BTBD8: variants seen among roughly 807,000 people sequenced by gnomAD.
BTBD8 encodes BTB domain containing 8.
BTBD8 carries 110 observed loss-of-function variants against 162.9 expected under a neutral mutation model. That is an observed-to-expected ratio of 0.68 (90% CI 0.58 to 0.79). BTBD8 has a LOEUF of 0.79. Among genes scored for constraint, BTBD8 ranks in the 30% least tolerant of loss-of-function variants. The probability of loss-of-function intolerance (pLI) is 0.00; values close to 1 mark genes in which losing one functional copy is unlikely to be tolerated. For missense variants in BTBD8, 1,905 were observed against 2,085.4 expected (o/e 0.91, Z 1.68); for synonymous variants, 667 against 716.1 (o/e 0.93, Z 1.10).
intron 13 of BTBD8, among the ~76,000 whole-genome samples, chr1:92,172,585 C>T (rs769860790): frequency 2.8e-4 from 43 of 152,300 alleles, no homozygotes; most frequent in Non-Finnish European, 4.7e-4. Flanking sequence ...ATAATATATT[C>T]AAAGTACAAA....
chr1:92,136,169 A>T (rs1649626992), intron 5 of BTBD8, among the ~76,000 whole-genome samples: 2 of 152,270 alleles, frequency 1.3e-5, no homozygotes, highest in African/African-American at 2.4e-5. Context: ...CTGTATTTTC[A>T]ATTTAGTCTC....
Position 92,080,543 on chromosome 1 carries a change from G to A in BTBD8, c.-29G>A, listed in dbSNP as rs1203512063. Reference sequence around the variant, plus strand: ...CGGGGCAAGTGAGGCCAAGTACTGGGCCTCCAGGGCGTCGTACCTCTGTGA... The same window carrying A: ...CGGGGCAAGTGAGGCCAAGTACTGGACCTCCAGGGCGTCGTACCTCTGTGA... On this transcript the variant is annotated 5_prime_UTR_variant, in exon 1 of 18. Transcript: ENST00000636805. 2 of 1,611,302 alleles carry A rather than the reference G, an allele frequency of 1.2e-6. No individual in the cohort carries two copies. Among genetic ancestry groups the A allele is most frequent in the Admixed American group, 1.7e-5 (1 of 59,388 alleles).
chr1:92,161,363 T>C lies in BTBD8; in HGVS notation c.1123-5595T>C, dbSNP rs140819510. The stretch of plus-strand genomic sequence containing the variant: ...AATATTTCTTTGTCATCAAGGGAGA[T>C]ATGAAAGTGCTGCTACATTAGAGTA... On this transcript the variant is annotated intron_variant, in intron 9 of 17. Transcript: ENST00000636805. Among the ~76,000 whole-genome samples the C allele has an allele frequency of 2.0e-5, 3 of 152,358 alleles. No individual in the cohort carries two copies. The East Asian group carries it at 5.8e-4, about 29-fold the overall frequency.
rs563648099 is a variant in BTBD8 at position 92,183,104 on chromosome 1, A to G, written c.4912+509A>G. ...AAAATTTTCAGGATCTGTCTATTCT[A>G]AAGTTTTCAAATAAAAAGATAAATT... On this transcript the variant is annotated intron_variant, in intron 17 of 17. Coordinates refer to ENST00000636805, the MANE Select transcript of BTBD8 (RefSeq NM_001376131.1). Among the ~76,000 whole-genome samples, 207 of 152,276 alleles carry G rather than the reference A, an allele frequency of 1.4e-3. 1 individual carries two copies. Among genetic ancestry groups the G allele is most frequent in the Non-Finnish European group, 2.3e-3 (156 of 67,994 alleles).
chr1:92,143,306 C>G (rs575158289), intron 7 of BTBD8, among the ~76,000 whole-genome samples: 1 of 151,784 alleles, frequency 6.6e-6, no homozygotes, highest in South Asian at 2.1e-4. Flanking sequence ...GGACCATTGC[C>G]TCTATTTTTT....
rs79429601 is a variant in BTBD8, at chr1:92,092,678, C to A, written c.347+3783C>A. ...TTCTGGTTTCTCAGTTCTATACCACCGGTTTGTATGTCTGACCTTAATGCC... is the reference window on the plus strand; with the variant it reads ...TTCTGGTTTCTCAGTTCTATACCACAGGTTTGTATGTCTGACCTTAATGCC... On this transcript the variant is annotated intron_variant, in intron 2 of 17. Coordinates refer to ENST00000636805, the MANE Select transcript of BTBD8 (RefSeq NM_001376131.1). Among the ~76,000 whole-genome samples, 102 of 152,258 alleles carry A rather than the reference C, an allele frequency of 6.7e-4. 1 individual carries two copies. In the East Asian group the frequency reaches 0.017, roughly 25 times the overall value.
intron 15 of BTBD8, 36 bp from the exon 16 acceptor site, chr1:92,178,276 C>CT (rs1413020825): frequency 6.8e-7 from 1 of 1,476,478 alleles, no homozygotes; most frequent in African/African-American, 1.4e-5. Flanking sequence ...GTTTTGGAAT[C>CT]TAAGTGTAAT....
chr1:92,175,761 C>T (rs944059610), intron 13 of BTBD8, among the ~76,000 whole-genome samples: 1 of 151,712 alleles, frequency 6.6e-6, no homozygotes, highest in Non-Finnish European at 1.5e-5. Context: ...GGCCACTGCA[C>T]TCCAGCCTGG....
chr1:92,093,576 G>C (rs550802868), intron 2 of BTBD8, among the ~76,000 whole-genome samples: 1 of 152,274 alleles, frequency 6.6e-6, no homozygotes, highest in Non-Finnish European at 1.5e-5. Context: ...GATGAAGCCA[G>C]TTCTACCACT....
In BTBD8 at chr1:92,182,256, A is replaced by C; in HGVS notation, c.4573A>C (p.Lys1525Gln). ...TCTTAGTAGCATTGACTCTTCAAGA[A>C]AAAATAAACAGAGTGTTTCAGCCAC... is the stretch of plus-strand genomic sequence containing the variant. ...LDLSSIDSSR[K>Q]NKQSVSATEK... The change falls in exon 17 of 18, where the codon AAA becomes CAA. Residue 1525 changes from lysine (K) to glutamine (Q), a missense_variant. Coordinates refer to ENST00000636805, the MANE Select transcript of BTBD8 (RefSeq NM_001376131.1). 7 of 1,551,262 alleles carry C rather than the reference A, an allele frequency of 4.5e-6. No homozygotes were observed. The highest frequency in any genetic ancestry group is 6.1e-6 in the Non-Finnish European group (7 of 1,146,852).
At chr1:92,171,484 T>A in intron 13 of BTBD8, 24 bp downstream of exon 13, 1 of 1,375,000 alleles carries the variant, frequency 7.3e-7, no homozygotes, top group Non-Finnish European at 9.8e-7. Context: ...ATTTTATAGG[T>A]ACAAATGAAA....
At chr1:92,085,328 A>C (rs1185138610) in intron 1 of BTBD8, among the ~76,000 whole-genome samples, 1 of 152,262 alleles carries the variant, frequency 6.6e-6, no homozygotes, top group Non-Finnish European at 1.5e-5. Context: ...ACGGTGGCTT[A>C]TGCCTGTAAT....
intron 13 of BTBD8, among the ~76,000 whole-genome samples, chr1:92,171,856 C>T (rs755668526): frequency 9.9e-5 from 15 of 152,166 alleles, no homozygotes; most frequent in Non-Finnish European, 1.6e-4. Context: ...TTTGGGAGGC[C>T]GAGGCGGATG....
Position 92,143,864 on chromosome 1 carries a change from A to G in BTBD8, c.930+2653A>G, listed in dbSNP as rs114278812. Among the ~76,000 whole-genome samples the G allele has an allele frequency of 1.8e-3, 267 of 150,632 alleles. 3 individuals carry two copies. Among genetic ancestry groups the G allele is most frequent in the African/African-American group, 6.0e-3 (244 of 40,950 alleles). On this transcript the variant is annotated intron_variant, in intron 7 of 17. Coordinates refer to ENST00000636805, the MANE Select transcript of BTBD8 (RefSeq NM_001376131.1). The stretch of plus-strand genomic sequence containing the variant: ...GTGGTAACAGATATTTGAGAGAACA[A>G]TTTCTGGTTTTGTTGACCTAATCCT...
intron 4 of BTBD8, among the ~76,000 whole-genome samples, chr1:92,116,884 CTG>C (rs1220387283): frequency 6.8e-6 from 1 of 147,080 alleles, no homozygotes; most frequent in Non-Finnish European, 1.5e-5. Flanking sequence ...GGATCACTCT[CTG>C]TTGCCCAGGC....
At chr1:92,172,723 T>C (rs1474123947) in intron 13 of BTBD8, among the ~76,000 whole-genome samples, 1 of 152,198 alleles carries the variant, frequency 6.6e-6, no homozygotes, top group Admixed American at 6.5e-5. Context: ...AGCCAGTTGA[T>C]AGGAACTAAT....
rs1476273563 is a variant in BTBD8 at position 92,180,573 on chromosome 1, A to G, written c.2890A>G (p.Thr964Ala). ...AAGACCTTTAAAACATGAAACATCT[A>G]CTGTCCAAAAAAGTATGTTTCATGA... ...SQRPLKHETSTVQKSMFHDVR... is the reference protein window; with the variant it reads ...SQRPLKHETSAVQKSMFHDVR... Residue 964 changes from threonine to alanine, a missense_variant, in exon 17 of 18, where the codon ACT (threonine) becomes GCT (alanine). Thr to Ala is a moderately conservative substitution (Grantham distance 58). Coordinates refer to ENST00000636805, the MANE Select transcript of BTBD8 (RefSeq NM_001376131.1). 6.4e-7 allele frequency: 1 copy of G among 1,551,466 alleles called. No individual in the cohort carries two copies. The highest frequency in any genetic ancestry group is 8.7e-7 in the Non-Finnish European group (1 of 1,146,896).
rs1390696858 is a variant in BTBD8 at position 92,184,338 on chromosome 1, CATTTTGGAAAA to C, written c.*13_*23del. The C allele has an allele frequency of 4.0e-6, 6 of 1,511,648 alleles. No individual in the cohort carries two copies. Among genetic ancestry groups the C allele is most frequent in the Non-Finnish European group, 5.3e-6 (6 of 1,126,198 alleles). 93.6% of individuals were successfully genotyped at this position (1,511,648 alleles called of 1,614,324 possible). Reference sequence around the variant, plus strand: ...CTGGAAACTCAGCATTAAGTGTTAACATTTTGGAAAAATTTATGCCACTCCTTTATTTTTTG... The same window carrying C: ...CTGGAAACTCAGCATTAAGTGTTAACATTTATGCCACTCCTTTATTTTTTG... On this transcript the variant is annotated 3_prime_UTR_variant, in exon 18 of 18. Coordinates refer to ENST00000636805, the MANE Select transcript of BTBD8 (RefSeq NM_001376131.1).
At chr1:92,111,660 G>A (rs190962855) in intron 4 of BTBD8, among the ~76,000 whole-genome samples, 62 of 152,286 alleles carry the variant, frequency 4.1e-4, no homozygotes, top group Admixed American at 9.2e-4. Context: ...AGGAATAGTA[G>A]TAGAAATTAT....
Sources: allele counts gnomAD v4.1 joint callset (sites outside exome capture counted in the v4.1 genomes callset), GRCh38; gene constraint gnomAD v4.1.1; transcripts MANE v1.5; gene names NCBI Gene and HGNC (gene_info 2026-07-23, HGNC 2026-07-21).